Variants in SPAG16 observed in about 807,000 individuals in gnomAD.
SPAG16 encodes sperm-associated antigen 16 protein.
Under a neutral mutation model 80.4 loss-of-function variants are expected in SPAG16, and 86 were observed. That is an observed-to-expected ratio of 1.07 (90% CI 0.90 to 1.28). The LOEUF (loss-of-function observed/expected upper bound fraction) is 1.28, where lower values mean the gene tolerates loss of function less well. Ranked by LOEUF, SPAG16 falls within the 50% of genes most tolerant of loss-of-function variation. The probability of loss-of-function intolerance (pLI) is 0.00; values close to 1 mark genes in which losing one functional copy is unlikely to be tolerated. For missense variants in SPAG16, 870 were observed against 765.3 expected (o/e 1.14, Z -1.61); for synonymous variants, 294 against 265.9 (o/e 1.11, Z -1.03).
At chr2:214,061,621 A>G (rs1355026955) in intron 13 of SPAG16, among the ~76,000 whole-genome samples, 1 of 152,148 alleles carries the variant, frequency 6.6e-6, no homozygotes, top group Non-Finnish European at 1.5e-5. Context: ...CACCTGCATT[A>G]TGGAAGGTAA....
intron 9 of SPAG16, among the ~76,000 whole-genome samples, chr2:213,439,641 A>G (rs1181748201): frequency 6.6e-6 from 1 of 152,232 alleles, no homozygotes; most frequent in African/African-American, 2.4e-5. Flanking sequence ...AATTAAGGGA[A>G]GAACTGTTCA....
intron 9 of SPAG16, among the ~76,000 whole-genome samples, chr2:213,412,293 T>C (rs528980537): frequency 1.3e-5 from 2 of 152,174 alleles, no homozygotes; most frequent in African/African-American, 2.4e-5. Context: ...CCCTAGCCAA[T>C]AGGGGAACAA....
chr2:214,389,190 G>A (rs1240106154), intron 15 of SPAG16, among the ~76,000 whole-genome samples: 1 of 152,138 alleles, frequency 6.6e-6, no homozygotes, highest in East Asian at 1.9e-4. Context: ...ATCCATGCGG[G>A]AACCAGTTGA....
chr2:213,350,407 A>G (rs2065261917), intron 6 of SPAG16, 121 bp from the exon 7 acceptor site: 1 of 543,822 alleles, frequency 1.8e-6, no homozygotes, highest in Non-Finnish European at 3.2e-6. Context: ...TAACCTTTAT[A>G]TGATTATTCA....
At chr2:213,639,958 T>C (rs2062523570) in intron 10 of SPAG16, among the ~76,000 whole-genome samples, 1 of 152,168 alleles carries the variant, frequency 6.6e-6, no homozygotes, top group African/African-American at 2.4e-5. Context: ...TTTATCTGTG[T>C]TGGATTGGGT....
intron 15 of SPAG16, among the ~76,000 whole-genome samples, chr2:214,390,274 A>G (rs1297332499): frequency 6.6e-6 from 1 of 151,128 alleles, no homozygotes; most frequent in Non-Finnish European, 1.5e-5. Context: ...GGTCAGTGGT[A>G]GAGCATTTGG....
intron 13 of SPAG16, among the ~76,000 whole-genome samples, chr2:214,057,435 A>G (rs1398186589): frequency 1.3e-5 from 2 of 152,078 alleles, no homozygotes; most frequent in African/African-American, 4.8e-5. Flanking sequence ...TTGGAGCAGT[A>G]GGTCTTAACG....
At chr2:213,583,092 G>A (rs1438489483) in intron 10 of SPAG16, among the ~76,000 whole-genome samples, 2 of 152,046 alleles carry the variant, frequency 1.3e-5, no homozygotes, top group South Asian at 2.1e-4. Flanking sequence ...TATGACTACT[G>A]TATATGCCAC....
At chr2:213,945,029 T>G (rs2079380761) in intron 12 of SPAG16, among the ~76,000 whole-genome samples, 1 of 151,780 alleles carries the variant, frequency 6.6e-6, no homozygotes, top group East Asian at 1.9e-4. Flanking sequence ...CAGAGCAAAA[T>G]TCCATCTCAA....
At chr2:214,200,817 A>G (rs1026010263) in intron 15 of SPAG16, among the ~76,000 whole-genome samples, 1 of 152,222 alleles carries the variant, frequency 6.6e-6, no homozygotes, top group African/African-American at 2.4e-5. Flanking sequence ...ATACACAGAC[A>G]ATATTACTTA....
At chr2:214,315,644 A>C (rs1230807732) in intron 15 of SPAG16, among the ~76,000 whole-genome samples, 1 of 151,920 alleles carries the variant, frequency 6.6e-6, no homozygotes, top group East Asian at 1.9e-4. Flanking sequence ...TGATCCTCCC[A>C]CCTCAGTACT....
At chr2:214,080,714 A>G (rs2051342650) in intron 13 of SPAG16, among the ~76,000 whole-genome samples, 1 of 152,182 alleles carries the variant, frequency 6.6e-6, no homozygotes, top group South Asian at 2.1e-4. Flanking sequence ...CAATATTTTA[A>G]TTGTCTAATT....
chr2:214,185,968 T>C (rs2057455946), intron 15 of SPAG16, among the ~76,000 whole-genome samples: 1 of 152,130 alleles, frequency 6.6e-6, no homozygotes. Flanking sequence ...TAATGTAAGT[T>C]CTGTTAGGGC....
At position 213,930,088 on chromosome 2, in the gene SPAG16, G is replaced by T; in HGVS notation, c.1343G>T (p.Gly448Val). ...TGGTCCTGCACATGGCACTCCTGCG[G>T]CAATTTTGTGGCTTCCTCCTCACTG... ...AVWSCTWHSC[G>V]NFVASSSLDK... Residue 448 changes from glycine (G) to valine (V), a missense_variant, in exon 12 of 16, where the codon GGC (glycine) becomes GTC (valine). By Grantham distance (109) the Gly-to-Val change is moderately radical (BLOSUM62 -3). Transcript: ENST00000331683. The T allele has an allele frequency of 6.2e-7, 1 of 1,613,930 alleles. No individual in the cohort carries two copies. Among genetic ancestry groups the T allele is most frequent in the African/African-American group, 1.3e-5 (1 of 75,036 alleles).
chr2:213,576,507 T>C (rs1469013051), intron 10 of SPAG16, among the ~76,000 whole-genome samples: 2 of 152,152 alleles, frequency 1.3e-5, no homozygotes, highest in African/African-American at 4.8e-5. Context: ...CATTCTGTTA[T>C]GAAGTTGTAT....
In SPAG16 at chr2:214,146,991, G is replaced by A. The variant is rs1181672182; in HGVS notation, c.1594-2149G>A. ...CACTCCAGCTTGGGTGACAGAGCGA[G>A]ACTCCATCTCAAAAAAAAAAAAAAA... On this transcript the variant is annotated intron_variant, in intron 14 of 15. Coordinates refer to ENST00000331683, the MANE Select transcript of SPAG16 (RefSeq NM_024532.5). 9.0e-5 allele frequency among the ~76,000 whole-genome samples: 11 copies of A among 122,134 alleles called. No individual in the cohort carries two copies. The Admixed American group carries it at 9.3e-4, about 10-fold the overall frequency. 80.1% of individuals were successfully genotyped at this position (122,134 alleles called of 152,430 possible).
chr2:213,986,901 A>T (rs1010653181), intron 12 of SPAG16, among the ~76,000 whole-genome samples: 10 of 143,126 alleles, frequency 7.0e-5, no homozygotes, highest in African/African-American at 2.6e-4. Context: ...CAAAAAAAAA[A>T]AAAAAAAAAA....
At chr2:213,318,431 A>AT (rs1472144038) in intron 5 of SPAG16, among the ~76,000 whole-genome samples, 2 of 152,000 alleles carry the variant, frequency 1.3e-5, no homozygotes, top group East Asian at 3.8e-4. Context: ...ATTCTCACTT[A>AT]TAAGTAGGAG....
At chr2:213,813,614 T>A (rs2072320984) in intron 10 of SPAG16, among the ~76,000 whole-genome samples, 1 of 151,914 alleles carries the variant, frequency 6.6e-6, no homozygotes, top group African/African-American at 2.4e-5. Context: ...GAAGCAAAAA[T>A]TGTCTGCCAA....
Sources: allele counts gnomAD v4.1 joint callset (sites outside exome capture counted in the v4.1 genomes callset), GRCh38; gene constraint gnomAD v4.1.1; transcripts MANE v1.5; gene names NCBI Gene and HGNC (gene_info 2026-07-23, HGNC 2026-07-21).